Variants in ATXN1 observed in about 807,000 individuals in gnomAD.
ATXN1 encodes ataxin 1.
ATXN1 carries 8 observed loss-of-function variants against 56.4 expected under a neutral mutation model. The observed-to-expected ratio is 0.14, with a 90% CI of 0.08 to 0.26. The LOEUF is 0.26. ATXN1 is among the 10% of genes least tolerant of loss of function. The pLI is 1.00. For missense variants in ATXN1, 987 were observed against 1,106.5 expected, an observed-to-expected ratio of 0.89 and a Z score of 1.53; for synonymous variants, 514 against 494.6, an observed-to-expected ratio of 1.04 and a Z score of -0.52.
chr6:16,581,099 T>G (rs369796884), intron 4 of ATXN1, among the ~76,000 whole-genome samples: 6 of 152,062 alleles, frequency 3.9e-5, no homozygotes, highest in African/African-American at 1.4e-4. Context: ...CTTTTTGTGT[T>G]TCTGTAGGAT....
At chr6:16,730,036 A>G (rs1759933367) in intron 2 of ATXN1, among the ~76,000 whole-genome samples, 1 of 152,234 alleles carries the variant, frequency 6.6e-6, no homozygotes, top group Admixed American at 6.5e-5. Context: ...TAATCCCAGC[A>G]ATTTGGGAGG....
intron 2 of ATXN1, among the ~76,000 whole-genome samples, chr6:16,703,906 C>G (rs763948570): frequency 2.0e-5 from 3 of 152,194 alleles, no homozygotes; most frequent in Admixed American, 6.5e-5. Context: ...GTAATCCCAG[C>G]TACCCGGGAG....
chr6:16,310,945 T>C (rs149970585), intron 7 of ATXN1, among the ~76,000 whole-genome samples: 68 of 152,362 alleles, frequency 4.5e-4, no homozygotes, highest in African/African-American at 1.6e-3. Flanking sequence ...TTCTGATACA[T>C]TTCTAGAATG....
intron 3 of ATXN1, among the ~76,000 whole-genome samples, chr6:16,639,460 T>G (rs1028638910): frequency 1.3e-5 from 2 of 152,248 alleles, no homozygotes; most frequent in East Asian, 3.9e-4. Flanking sequence ...ATTACAGGCA[T>G]GCCCCACCAC....
rs1048140551 is a variant in ATXN1 at position 16,518,327 on chromosome 6, A to G, written c.-299+4300T>C. 3.3e-5 allele frequency among the ~76,000 whole-genome samples: 5 copies of G among 152,242 alleles called. No homozygotes were observed. In the South Asian group the frequency reaches 1.0e-3, roughly 31 times the overall value. The stretch of plus-strand genomic sequence containing the variant: ...GAATGAGTAACCCGGCTGGGGCTAA[A>G]GCCAACGTGGCCTATGCCCCCTCCT... On this transcript the variant is annotated intron_variant, in intron 5 of 7. Transcript: ENST00000436367.
intron 3 of ATXN1, among the ~76,000 whole-genome samples, chr6:16,657,210 A>G (rs970135496): frequency 1.3e-5 from 2 of 151,966 alleles, no homozygotes; most frequent in African/African-American, 4.8e-5. Context: ...GATGATCTCA[A>G]TCTCCTGACC....
chr6:16,400,736 G>GCTTA (rs1262226217), intron 6 of ATXN1, among the ~76,000 whole-genome samples: 4 of 152,170 alleles, frequency 2.6e-5, no homozygotes, highest in Non-Finnish European at 4.4e-5. Flanking sequence ...TTCTCAATGA[G>GCTTA]CTTACAGTCT....
intron 7 of ATXN1, among the ~76,000 whole-genome samples, chr6:16,310,966 C>T (rs1010832774): frequency 2.0e-5 from 3 of 152,170 alleles, no homozygotes; most frequent in African/African-American, 7.2e-5. Flanking sequence ...ACAGACTTTA[C>T]TGGATCCATA....
chr6:16,431,987 G>C (rs758983688), intron 6 of ATXN1, among the ~76,000 whole-genome samples: 1 of 152,114 alleles, frequency 6.6e-6, no homozygotes, highest in Non-Finnish European at 1.5e-5. Flanking sequence ...CAGGAGTTTT[G>C]GTGGTAAACA....
intron 6 of ATXN1, among the ~76,000 whole-genome samples, chr6:16,451,680 A>T (rs1175002378): frequency 3.3e-5 from 5 of 151,796 alleles, no homozygotes. Context: ...ACTTGAACCC[A>T]GGAGGCGGAG....
chr6:16,328,914 G>A lies in ATXN1; in HGVS notation c.-160-444C>T, dbSNP rs1050552203. 6.6e-6 allele frequency among the ~76,000 whole-genome samples: 1 copy of A among 152,046 alleles called. No individual in the cohort carries two copies. Among genetic ancestry groups the A allele is most frequent in the Non-Finnish European group, 1.5e-5 (1 of 68,006 alleles). On this transcript the variant is annotated intron_variant, in intron 6 of 7. Coordinates refer to ENST00000436367, the MANE Select transcript of ATXN1 (RefSeq NM_001128164.2). This position sits in a 1 kb window ranked among gnomAD's most constrained non-coding sequence, Gnocchi z 6.2. ...TGTACTCCAGCCTGGGCAACAGAGC[G>A]ACACTCTGTCTCCAAAAACGAAACA...
At chr6:16,557,065 T>C (rs1762027406) in intron 4 of ATXN1, among the ~76,000 whole-genome samples, 2 of 152,194 alleles carry the variant, frequency 1.3e-5, no homozygotes, top group African/African-American at 4.8e-5. Context: ...GGCTCAGGCC[T>C]ATTATTCCAG....
chr6:16,664,608 T>C (rs1333513092), intron 2 of ATXN1, among the ~76,000 whole-genome samples: 1 of 152,128 alleles, frequency 6.6e-6, no homozygotes, highest in Non-Finnish European at 1.5e-5. Flanking sequence ...AGCACTCATC[T>C]AGGCCCAAAA....
intron 3 of ATXN1, among the ~76,000 whole-genome samples, chr6:16,588,013 T>C (rs1487114636): frequency 6.6e-6 from 1 of 151,704 alleles, no homozygotes; most frequent in Non-Finnish European, 1.5e-5. Flanking sequence ...TGTGATGTCA[T>C]CCTCATCTAT....
At chr6:16,346,361 G>T (rs898233952) in intron 6 of ATXN1, among the ~76,000 whole-genome samples, 3 of 152,136 alleles carry the variant, frequency 2.0e-5, no homozygotes, top group Non-Finnish European at 4.4e-5. Context: ...GAGCCACCAC[G>T]CTCAGCCTAT....
At chr6:16,330,390 CTTTTTTTT>C (rs60608169) in intron 6 of ATXN1, among the ~76,000 whole-genome samples, 8 of 119,828 alleles carry the variant, frequency 6.7e-5, no homozygotes, top group South Asian at 5.2e-4. Flanking sequence ...TCCTTCCTTC[CTTTTTTTT>C]TTTTTTTTTT....
chr6:16,332,870 T>A (rs995674381), intron 6 of ATXN1, among the ~76,000 whole-genome samples: 31 of 152,276 alleles, frequency 2.0e-4, no homozygotes, highest in Non-Finnish European at 4.4e-4. Context: ...GACATCAGCA[T>A]CCTCTGCAAG....
intron 2 of ATXN1, among the ~76,000 whole-genome samples, chr6:16,669,667 CTTTTTTTTT>C (rs11356086): frequency 8.8e-6 from 1 of 113,130 alleles, no homozygotes; most frequent in African/African-American, 3.3e-5. Flanking sequence ...ACTGAACAAT[CTTTTTTTTT>C]TTTTTTTTTT....
At chr6:16,689,593 G>A (rs2113415426) in intron 2 of ATXN1, among the ~76,000 whole-genome samples, 1 of 148,710 alleles carries the variant, frequency 6.7e-6, no homozygotes, top group South Asian at 2.1e-4. Flanking sequence ...GGGCTCAAGG[G>A]ATCCTCCCAC....
Sources: gnomAD v4.1 joint callset for allele counts (sites outside exome capture counted in the v4.1 genomes callset) on GRCh38, gnomAD v4.1.1 for gene constraint, Gnocchi (gnomAD v3.1) non-coding constraint, MANE v1.5 for transcripts, NCBI Gene and HGNC (gene_info 2026-07-23, HGNC 2026-07-21) for gene names.